KANSL1L: variants seen among roughly 807,000 people sequenced by gnomAD.
The protein encoded by KANSL1L is KAT8 regulatory NSL complex subunit 1 like.
In KANSL1L, 25 loss-of-function variants were observed where a neutral mutation model predicts 108.6. The observed-to-expected ratio is 0.23, with a 90% CI of 0.17 to 0.32. The LOEUF is 0.32. KANSL1L is among the 10% of genes least tolerant of loss of function. The pLI is 1.00. For synonymous variants in KANSL1L, 405 were observed against 395.1 expected (o/e 1.03, Z -0.30); for missense variants, 1,137 against 1,125.7 (o/e 1.01, Z -0.14).
chr2:210,092,661 C>T (rs2094702169), intron 5 of KANSL1L, among the ~76,000 whole-genome samples: 1 of 152,146 alleles, frequency 6.6e-6, no homozygotes, highest in African/African-American at 2.4e-5. Flanking sequence ...GTTGTGCACT[C>T]CTTATTCTTA....
At chr2:210,071,922 A>T (rs949922897) in intron 6 of KANSL1L, among the ~76,000 whole-genome samples, 1 of 152,192 alleles carries the variant, frequency 6.6e-6, no homozygotes, top group African/African-American at 2.4e-5. Flanking sequence ...AAGTTTATTT[A>T]TTATATACAA....
rs917977007 is a variant in KANSL1L at position 210,022,300 on chromosome 2, G to A, written c.*649C>T. On this transcript the variant is annotated 3_prime_UTR_variant, in exon 15 of 15. Coordinates refer to ENST00000281772, the MANE Select transcript of KANSL1L (RefSeq NM_152519.4). Reference sequence around the variant, plus strand: ...TAAATAACTTCTGTTGGTTAAACATGTTAAAACAACAACAACAACAACAAA... The same window carrying A: ...TAAATAACTTCTGTTGGTTAAACATATTAAAACAACAACAACAACAACAAA... 8.5e-5 allele frequency: 13 copies of A among 152,282 alleles called. No homozygotes were observed. The highest frequency in any genetic ancestry group is 3.1e-4 in the African/African-American group (13 of 41,494). 9.4% of individuals were successfully genotyped at this position (152,282 alleles called of 1,614,324 possible).
intron 6 of KANSL1L, among the ~76,000 whole-genome samples, chr2:210,059,010 G>C (rs1479313435): frequency 6.6e-6 from 1 of 151,718 alleles, no homozygotes; most frequent in Non-Finnish European, 1.5e-5. Flanking sequence ...GAACCTACAT[G>C]AAATATCGGG....
At chr2:210,054,694 T>A (rs779744509) in intron 6 of KANSL1L, among the ~76,000 whole-genome samples, 1 of 150,134 alleles carries the variant, frequency 6.7e-6, no homozygotes, top group Non-Finnish European at 1.5e-5. Flanking sequence ...ATATTCAACA[T>A]TGCACTAGAA....
At chr2:210,111,807 T>A (rs1046497396) in intron 3 of KANSL1L, among the ~76,000 whole-genome samples, 1 of 152,106 alleles carries the variant, frequency 6.6e-6, no homozygotes, top group Non-Finnish European at 1.5e-5. Context: ...TATGTATACA[T>A]GCGCCATGTT....
At chr2:210,037,460 T>C (rs989370479) in intron 8 of KANSL1L, among the ~76,000 whole-genome samples, 1 of 152,212 alleles carries the variant, frequency 6.6e-6, no homozygotes, top group Non-Finnish European at 1.5e-5. Context: ...AAAAGGTAAC[T>C]GCACATAATA....
At chr2:210,170,863 T>C (rs975589326) in intron 1 of KANSL1L, among the ~76,000 whole-genome samples, 62 of 128,586 alleles carry the variant, frequency 4.8e-4, no homozygotes, top group Non-Finnish European at 7.1e-4. Flanking sequence ...GTGACCGGCG[T>C]CCAGGTCCGC....
rs1441804167 is a variant in KANSL1L at position 210,022,680 on chromosome 2, A to T, written c.*269T>A. On this transcript the variant is annotated 3_prime_UTR_variant, in exon 15 of 15. Transcript: ENST00000281772. Reference sequence around the variant, plus strand: ...AAAAATTACCCAGTAATGTGATTTGACATCAAGTTGCAGCAATTAATATCT... The same window carrying T: ...AAAAATTACCCAGTAATGTGATTTGTCATCAAGTTGCAGCAATTAATATCT... The T allele has an allele frequency of 2.5e-6, 1 of 404,902 alleles. No homozygotes were observed. The highest frequency in any genetic ancestry group is 4.5e-6 in the Non-Finnish European group (1 of 221,542). 25.1% of individuals were successfully genotyped at this position (404,902 alleles called of 1,614,324 possible).
intron 6 of KANSL1L, among the ~76,000 whole-genome samples, chr2:210,068,021 G>A (rs2125302499): frequency 6.6e-6 from 1 of 152,100 alleles, no homozygotes; most frequent in African/African-American, 2.4e-5. Context: ...GGGATTACAG[G>A]CGCCTGCCAC....
chr2:210,083,110 G>A (rs2094603216), intron 5 of KANSL1L, among the ~76,000 whole-genome samples: 1 of 152,186 alleles, frequency 6.6e-6, no homozygotes, highest in African/African-American at 2.4e-5. Context: ...AGAGTTTGGA[G>A]TGATGTGTGT....
At chr2:210,084,976 T>C (rs2094624400) in intron 5 of KANSL1L, among the ~76,000 whole-genome samples, 2 of 152,152 alleles carry the variant, frequency 1.3e-5, no homozygotes, top group African/African-American at 4.8e-5. Flanking sequence ...AAAAGAGACT[T>C]AGGAGACATA....
Position 210,083,829 on chromosome 2 carries a change from CAAAAAAAAA to C in KANSL1L, c.1551-8082_1551-8074del, listed in dbSNP as rs61456616. On this transcript the variant is annotated intron_variant, in intron 5 of 14. Transcript: ENST00000281772. ...TGGGCGACAGAGTGAGACTCCATCT[CAAAAAAAAA>C]AAAAAAAAAAAGTAAGAAACTAATA... Among the ~76,000 whole-genome samples, 12 of 52,906 alleles carry C rather than the reference CAAAAAAAAA, an allele frequency of 2.3e-4. 1 individual carries two copies. In the South Asian group the frequency reaches 8.9e-3, roughly 39 times the overall value. 34.7% of individuals were successfully genotyped at this position (52,906 alleles called of 152,430 possible). A position where few individuals can be genotyped will look rare whatever the true frequency, so the allele number is the denominator to read the frequency against.
At chr2:210,043,749 T>C (rs1404684320) in intron 7 of KANSL1L, 190 bp downstream of exon 7, 3 of 407,036 alleles carry the variant, frequency 7.4e-6, no homozygotes, top group South Asian at 8.8e-5. Flanking sequence ...CTTACACAGA[T>C]AGAACATTAA....
intron 4 of KANSL1L, 45 bp downstream of exon 4, chr2:210,104,059 A>G (rs1003863579): frequency 6.9e-7 from 1 of 1,456,352 alleles, no homozygotes; most frequent in Non-Finnish European, 9.6e-7. Context: ...TACAAAATCA[A>G]TGAAAAGTCA....
At chr2:210,055,082 A>T (rs1014868461) in intron 6 of KANSL1L, among the ~76,000 whole-genome samples, 4 of 152,182 alleles carry the variant, frequency 2.6e-5, no homozygotes, top group Non-Finnish European at 4.4e-5. Flanking sequence ...GGAGGGACCC[A>T]GTGGGAGGTA....
rs550386966 is a variant in KANSL1L at position 210,135,809 on chromosome 2, C to T, written c.1089-6637G>A. 9.2e-5 allele frequency among the ~76,000 whole-genome samples: 14 copies of T among 152,202 alleles called. No homozygotes were observed. The East Asian group carries it at 9.7e-4, about 11-fold the overall frequency. On this transcript the variant is annotated intron_variant, in intron 2 of 14. Coordinates refer to ENST00000281772, the MANE Select transcript of KANSL1L (RefSeq NM_152519.4). ...TACCTTAAATAACATATTCCTCCCT[C>T]GAAAATATTTCATGCTATTAGGATC...
At chr2:210,153,386 A>T in intron 2 of KANSL1L, 109 bp downstream of exon 2, 1 of 807,158 alleles carries the variant, frequency 1.2e-6, no homozygotes, top group Non-Finnish European at 1.9e-6. Context: ...AAAAAAGATT[A>T]TAGCATTAAG....
At chr2:210,159,779 C>A (rs1053016058) in intron 1 of KANSL1L, among the ~76,000 whole-genome samples, 2 of 152,276 alleles carry the variant, frequency 1.3e-5, no homozygotes, top group South Asian at 2.1e-4. Context: ...AGGCCGGGCG[C>A]GGTGGCTCAC....
chr2:210,027,432 T>C (rs2093953290), intron 11 of KANSL1L, 82 bp from the exon 12 acceptor site: 1 of 867,076 alleles, frequency 1.2e-6, no homozygotes. Flanking sequence ...CTAAATGTAT[T>C]AGTGTTTCCT....
Sources: gnomAD v4.1 joint callset for allele counts (sites outside exome capture counted in the v4.1 genomes callset) on GRCh38, gnomAD v4.1.1 for gene constraint, MANE v1.5 for transcripts, NCBI Gene and HGNC (gene_info 2026-07-23, HGNC 2026-07-21) for gene names.